The following SLC24A4 variants were observed in gnomAD, a reference collection of about 807,000 sequenced individuals.
SLC24A4 encodes the protein sodium/potassium/calcium exchanger 4.
SLC24A4 carries 53 observed loss-of-function variants against 79.0 expected under a neutral mutation model. That is an observed-to-expected ratio of 0.67 (90% CI 0.54 to 0.84). The LOEUF (loss-of-function observed/expected upper bound fraction) is 0.84, where lower values mean the gene tolerates loss of function less well. Ranked by LOEUF, SLC24A4 falls within the 40% of genes least tolerant of loss-of-function variation. The probability of loss-of-function intolerance (pLI) is 0.00; values close to 1 mark genes in which losing one functional copy is unlikely to be tolerated. For synonymous variants in SLC24A4, 323 were observed against 323.8 expected (o/e 1.00, Z 0.03); for missense variants, 731 against 822.0 (o/e 0.89, Z 1.35).
At chr14:92,365,335 A>T (rs1350176379) in intron 2 of SLC24A4, among the ~76,000 whole-genome samples, 3 of 152,246 alleles carry the variant, frequency 2.0e-5, no homozygotes, top group Admixed American at 6.5e-5. Context: ...AAACACGGCC[A>T]TTCCAAGCCT....
intron 2 of SLC24A4, among the ~76,000 whole-genome samples, chr14:92,361,025 G>C (rs780352618): frequency 1.3e-5 from 2 of 152,164 alleles, no homozygotes; most frequent in Admixed American, 6.5e-5. Context: ...TCTTTAAAAA[G>C]GAGAGGGTGT....
Position 92,443,450 on chromosome 14 carries a change from C to A in SLC24A4, c.633C>A (p.Thr211=). Residue 211 remains threonine (T), a synonymous_variant, in exon 7 of 17, where the codon ACC becomes ACA. Transcript: ENST00000532405. ...TGTGCCGAGACTCCGTGTACTACAC[C>A]ATCTCTGTCATCGTGCTCATCGTGG... The part of the protein sequence containing the change: ...WAVCRDSVYY[T]ISVIVLIVFI... 6.2e-7 allele frequency: 1 copy of A among 1,614,174 alleles called. No individual in the cohort carries two copies. The highest frequency in any genetic ancestry group is 8.5e-7 in the Non-Finnish European group (1 of 1,180,032).
At chr14:92,365,536 G>C (rs1333037960) in intron 2 of SLC24A4, among the ~76,000 whole-genome samples, 1 of 152,228 alleles carries the variant, frequency 6.6e-6, no homozygotes, top group Non-Finnish European at 1.5e-5. Context: ...GGAGCCCCGG[G>C]TGCTGGTCTG....
chr14:92,489,281 T>C (rs1895542987), intron 14 of SLC24A4, among the ~76,000 whole-genome samples: 1 of 151,306 alleles, frequency 6.6e-6, no homozygotes, highest in Non-Finnish European at 1.5e-5. Context: ...CTACTAAAAA[T>C]AAAAAAAATT....
intron 2 of SLC24A4, among the ~76,000 whole-genome samples, chr14:92,421,704 C>G (rs1891290489): frequency 6.6e-6 from 1 of 152,092 alleles, no homozygotes; most frequent in South Asian, 2.1e-4. Flanking sequence ...GACAAGGTTT[C>G]ACCATGTTGC....
At chr14:92,369,267 G>A (rs1337625241) in intron 2 of SLC24A4, among the ~76,000 whole-genome samples, 2 of 152,204 alleles carry the variant, frequency 1.3e-5, no homozygotes, top group Non-Finnish European at 2.9e-5. Flanking sequence ...GACTGTACAG[G>A]GAGGGAGGTG....
chr14:92,382,565 T>C (rs1888915011), intron 2 of SLC24A4, among the ~76,000 whole-genome samples: 1 of 152,158 alleles, frequency 6.6e-6, no homozygotes, highest in African/African-American at 2.4e-5. Context: ...GTATCTTCCT[T>C]AATCATTTAA....
intron 12 of SLC24A4, among the ~76,000 whole-genome samples, chr14:92,458,670 C>T (rs1285664486): frequency 2.6e-5 from 4 of 152,210 alleles, no homozygotes; most frequent in African/African-American, 7.2e-5. Flanking sequence ...TGAACCAGGA[C>T]GGGCCCTGTA....
At chr14:92,327,884 G>T (rs1395159089) in intron 2 of SLC24A4, among the ~76,000 whole-genome samples, 1 of 152,182 alleles carries the variant, frequency 6.6e-6, no homozygotes, top group Non-Finnish European at 1.5e-5. Flanking sequence ...GTTAACTTTT[G>T]CATTATGCTT....
chr14:92,367,720 A>G (rs1887932969), intron 2 of SLC24A4, among the ~76,000 whole-genome samples: 1 of 152,236 alleles, frequency 6.6e-6, no homozygotes, highest in Non-Finnish European at 1.5e-5. Context: ...TGGTGCCCAT[A>G]TGCCGTAACG....
intron 2 of SLC24A4, chr14:92,408,275 A>C (rs936627136): frequency 4.5e-6 from 2 of 448,550 alleles, no homozygotes; most frequent in Non-Finnish European, 5.9e-6. Flanking sequence ...CTGGAATTTG[A>C]ATCTGTTATT....
At chr14:92,368,779 G>C (rs1057398729) in intron 2 of SLC24A4, among the ~76,000 whole-genome samples, 1 of 152,120 alleles carries the variant, frequency 6.6e-6, no homozygotes, top group African/African-American at 2.4e-5. Flanking sequence ...CCTTCCCCTC[G>C]TCTAGGCAGC....
At position 92,342,486 on chromosome 14, in the gene SLC24A4, T is replaced by A. The variant is rs376203673; in HGVS notation, c.241+16508T>A. 3.9e-5 allele frequency among the ~76,000 whole-genome samples: 6 copies of A among 152,004 alleles called. No individual in the cohort carries two copies. In the East Asian group the frequency reaches 7.7e-4, roughly 20 times the overall value. ...GCAACCTCTGCCTCCCGGGTTCAAG[T>A]GATTCTCCTGCCTCAGCCTCCCGAG... On this transcript the variant is annotated intron_variant, in intron 2 of 16. Coordinates refer to ENST00000532405, the MANE Select transcript of SLC24A4 (RefSeq NM_153646.4).
intron 4 of SLC24A4, among the ~76,000 whole-genome samples, chr14:92,440,577 G>A (rs764081589): frequency 2.6e-5 from 4 of 152,096 alleles, no homozygotes; most frequent in Non-Finnish European, 4.4e-5. Flanking sequence ...CCTATGGAAG[G>A]TGAAAGGTGG....
chr14:92,354,848 C>T (rs969061187), intron 2 of SLC24A4, among the ~76,000 whole-genome samples: 2 of 151,996 alleles, frequency 1.3e-5, no homozygotes, highest in African/African-American at 4.8e-5. Context: ...CCGAGGTGGG[C>T]GGATTGAATG....
rs201143984 is a variant in SLC24A4 at position 92,478,651 on chromosome 14, TTG to T, written c.1256-4027_1256-4026del. Among the ~76,000 whole-genome samples, 282 of 141,270 alleles carry T rather than the reference TTG, an allele frequency of 2.0e-3. 3 individuals carry two copies. Among genetic ancestry groups the T allele is most frequent in the African/African-American group, 6.9e-3 (263 of 38,144 alleles). 92.7% of individuals were successfully genotyped at this position (141,270 alleles called of 152,430 possible). The stretch of plus-strand genomic sequence containing the variant: ...AGTGTGTAAATTTCCCAGCTTTGTT[TTG>T]TTTTTTTTTCCAAGACTGTTTTGGC... On this transcript the variant is annotated intron_variant, in intron 12 of 16. Coordinates refer to ENST00000532405, the MANE Select transcript of SLC24A4 (RefSeq NM_153646.4).
intron 12 of SLC24A4, among the ~76,000 whole-genome samples, chr14:92,463,007 G>C (rs1893901474): frequency 6.6e-6 from 1 of 152,162 alleles, no homozygotes. Context: ...TGTGCAGGGT[G>C]CTAAATAATT....
Position 92,491,651 on chromosome 14 carries a change from G to A in SLC24A4, c.1538-14G>A. ...CCTGCTCTTATAAAATAAATGTGTT[G>A]TTGTCCCCTGCAGGCCTTGGGGACA... is the stretch of plus-strand genomic sequence containing the variant. On this transcript the variant is annotated splice_polypyrimidine_tract_variant and intron_variant, in intron 14 of 16. Coordinates refer to ENST00000532405, the MANE Select transcript of SLC24A4 (RefSeq NM_153646.4). 3 of 1,559,874 alleles carry A rather than the reference G, an allele frequency of 1.9e-6. No homozygotes were observed. Among genetic ancestry groups the A allele is most frequent in the Admixed American group, 3.3e-5 (2 of 59,944 alleles).
At chr14:92,423,293 C>G (rs947061003) in intron 2 of SLC24A4, among the ~76,000 whole-genome samples, 3 of 151,936 alleles carry the variant, frequency 2.0e-5, no homozygotes, top group African/African-American at 7.3e-5. Context: ...TACAGGCACG[C>G]GCGACCATGC....
Sources: allele counts gnomAD v4.1 joint callset (sites outside exome capture counted in the v4.1 genomes callset), GRCh38; gene constraint gnomAD v4.1.1; transcripts MANE v1.5; gene names NCBI Gene and HGNC (gene_info 2026-07-23, HGNC 2026-07-21).